Variants in UFSP2 observed in about 807,000 individuals in gnomAD.
The protein encoded by UFSP2 is UFM1 specific peptidase 2, also known as ufm1-specific protease 2.
A neutral mutation model predicts 60.2 loss-of-function variants in UFSP2; 43 were observed. That is an observed-to-expected ratio of 0.71 (90% CI 0.56 to 0.92). The LOEUF (loss-of-function observed/expected upper bound fraction) is 0.92, where lower values mean the gene tolerates loss of function less well. Ranked by LOEUF, UFSP2 falls within the 40% of genes least tolerant of loss-of-function variation. UFSP2 has a pLI of 0.00. For synonymous variants in UFSP2, 183 were observed against 195.1 expected (o/e 0.94, Z 0.52); for missense variants, 520 against 575.0 (o/e 0.90, Z 0.98).
intron 2 of UFSP2, among the ~76,000 whole-genome samples, chr4:185,420,163 G>C (rs1214865997): frequency 9.1e-6 from 1 of 109,630 alleles, no homozygotes; most frequent in Non-Finnish European, 1.8e-5. Context: ...TCAAAGCTCT[G>C]TGTTCTAAAG....
chr4:185,400,300 C>T lies in UFSP2; in HGVS notation c.*92G>A. On this transcript the variant is annotated 3_prime_UTR_variant, in exon 12 of 12. Coordinates refer to ENST00000264689, the MANE Select transcript of UFSP2 (RefSeq NM_018359.5). ...AAAGGTCATAATTTAAATCGTCAAA[C>T]TAGAACCAGGATTTAATGTGAAAAA... is the stretch of plus-strand genomic sequence containing the variant. 5 of 1,080,500 alleles carry T rather than the reference C, an allele frequency of 4.6e-6. No individual in the cohort carries two copies. The highest frequency in any genetic ancestry group is 1.5e-5 in the South Asian group (1 of 67,024). 66.9% of individuals were successfully genotyped at this position (1,080,500 alleles called of 1,614,324 possible).
At chr4:185,404,471 AT>A (rs1020038686) in intron 10 of UFSP2, among the ~76,000 whole-genome samples, 4 of 148,676 alleles carry the variant, frequency 2.7e-5, no homozygotes, top group Admixed American at 2.0e-4. Flanking sequence ...AATTTTTTGT[AT>A]TTTTTTTTAG....
At chr4:185,412,681 G>A (rs1270685923) in intron 7 of UFSP2, among the ~76,000 whole-genome samples, 1 of 152,144 alleles carries the variant, frequency 6.6e-6, no homozygotes, top group East Asian at 1.9e-4. Flanking sequence ...AGGTGGAGCA[G>A]ACAGAGTAAA....
At chr4:185,401,229 CGTT>C (rs1315470502) in intron 11 of UFSP2, among the ~76,000 whole-genome samples, 3 of 152,110 alleles carry the variant, frequency 2.0e-5, no homozygotes, top group Non-Finnish European at 1.5e-5. Context: ...ATAAGATACA[CGTT>C]GTCAAAAAAC....
At chr4:185,425,150 G>A (rs917403400) in intron 1 of UFSP2, among the ~76,000 whole-genome samples, 4 of 152,166 alleles carry the variant, frequency 2.6e-5, no homozygotes, top group African/African-American at 9.7e-5. Flanking sequence ...ACTGCATGTC[G>A]GGGAGTTGAG....
chr4:185,412,901 C>A (rs770334748), intron 7 of UFSP2, among the ~76,000 whole-genome samples: 27 of 152,136 alleles, frequency 1.8e-4, no homozygotes, highest in Non-Finnish European at 3.5e-4. Flanking sequence ...TAAAGTAACC[C>A]TTCCACCACC....
chr4:185,404,608 G>A (rs1412419965), intron 10 of UFSP2, among the ~76,000 whole-genome samples: 2 of 144,334 alleles, frequency 1.4e-5, no homozygotes, highest in Non-Finnish European at 3.0e-5. Flanking sequence ...TTTTTTTTGA[G>A]ACAGAGTCTT....
chr4:185,403,978 C>CA lies in UFSP2; in HGVS notation c.1199-361dup, dbSNP rs1293715170. Among the ~76,000 whole-genome samples the CA allele has an allele frequency of 5.3e-3, 615 of 116,750 alleles. 45 individuals carry two copies. The highest frequency in any genetic ancestry group is 0.018 in the Middle Eastern group (4 of 224). The allele number at this position is 116,750 out of a possible 152,430, so 76.6% of individuals were successfully genotyped here. A position where few individuals can be genotyped will look rare whatever the true frequency, so the allele number is the denominator to read the frequency against. On this transcript the variant is annotated intron_variant, in intron 10 of 11. Transcript: ENST00000264689. The stretch of plus-strand genomic sequence containing the variant: ...ACAGCAAGACTCTCAAAAAAAAAAA[C>CA]AAAAAAAAACAACATTACTTTGCTT...
In UFSP2 at chr4:185,403,643, C is replaced by T. The variant is rs192837568; in HGVS notation, c.1199-25G>A. The T allele has an allele frequency of 4.3e-4, 685 of 1,595,722 alleles. 1 individual carries two copies. The highest frequency in any genetic ancestry group is 5.6e-4 in the Non-Finnish European group (653 of 1,174,894). ...CCTATAGAAGAAAAAATAGGAAATA[C>T]GAATGAAGGCATAAACAAATGTCAA... On this transcript the variant is annotated intron_variant, in intron 10 of 11. Transcript: ENST00000264689.
At position 185,400,103 on chromosome 4, in the gene UFSP2, G is replaced by A. The variant is rs537169529; in HGVS notation, c.*289C>T. ...CCTGCTTTTGGCTTTACCATATGTT[G>A]TGTCTAATCTCCTTCTGAGAAGGAC... On this transcript the variant is annotated 3_prime_UTR_variant, in exon 12 of 12. Coordinates refer to ENST00000264689, the MANE Select transcript of UFSP2 (RefSeq NM_018359.5). 2 of 1,266,936 alleles carry A rather than the reference G, an allele frequency of 1.6e-6. No individual in the cohort carries two copies. Among genetic ancestry groups the A allele is most frequent in the African/African-American group, 1.5e-5 (1 of 66,218 alleles). The allele number at this position is 1,266,936 out of a possible 1,614,324, so 78.5% of individuals were successfully genotyped here.
chr4:185,413,235 A>T (rs2153285795), intron 7 of UFSP2, among the ~76,000 whole-genome samples: 1 of 152,106 alleles, frequency 6.6e-6, no homozygotes, highest in East Asian at 1.9e-4. Flanking sequence ...TAAAAATACA[A>T]AAATTAGCCA....
intron 1 of UFSP2, 48 bp downstream of exon 1, chr4:185,425,818 A>C: frequency 6.3e-7 from 1 of 1,590,058 alleles, no homozygotes; most frequent in South Asian, 1.1e-5. Context: ...GGCGGCTGCC[A>C]AAGTCCGGGG....
rs1409007947 is a variant in UFSP2, at chr4:185,422,475, G to T, written c.82+10C>A. On this transcript the variant is annotated intron_variant, in intron 2 of 11. Coordinates refer to ENST00000264689, the MANE Select transcript of UFSP2 (RefSeq NM_018359.5). The stretch of plus-strand genomic sequence containing the variant: ...TTTTCTAATAAAAAAGAATTTTTCA[G>T]AAGACCTACCATTAGGAGTAGCTAG... The T allele has an allele frequency of 2.6e-5, 42 of 1,599,148 alleles. No homozygotes were observed. Among genetic ancestry groups the T allele is most frequent in the Non-Finnish European group, 3.4e-5 (40 of 1,173,914 alleles).
At chr4:185,402,752 A>G (rs1255831321) in intron 11 of UFSP2, among the ~76,000 whole-genome samples, 1 of 152,234 alleles carries the variant, frequency 6.6e-6, no homozygotes, top group Non-Finnish European at 1.5e-5. Context: ...CTGGGATTAC[A>G]GGTGTGAGCC....
chr4:185,414,703 C>A (rs2095535286), intron 6 of UFSP2, among the ~76,000 whole-genome samples: 1 of 152,182 alleles, frequency 6.6e-6, no homozygotes, highest in Non-Finnish European at 1.5e-5. Flanking sequence ...CAAAATTCCT[C>A]TAATAAAGCC....
At chr4:185,421,476 T>C (rs2095549234) in intron 2 of UFSP2, among the ~76,000 whole-genome samples, 1 of 152,200 alleles carries the variant, frequency 6.6e-6, no homozygotes, top group African/African-American at 2.4e-5. Context: ...CTCACTCCTA[T>C]CAGTTCACAA....
At chr4:185,411,620 T>G (rs1396234807) in intron 7 of UFSP2, among the ~76,000 whole-genome samples, 1 of 152,166 alleles carries the variant, frequency 6.6e-6, no homozygotes, top group African/African-American at 2.4e-5. Flanking sequence ...CCAAAGTATT[T>G]AAGGGTAAAT....
chr4:185,405,954 G>C, intron 9 of UFSP2, 98 bp from the exon 10 acceptor site: 1 of 1,588,072 alleles, frequency 6.3e-7, no homozygotes. Context: ...GTTTTTTCGG[G>C]TGTTACTGAA....
intron 11 of UFSP2, chr4:185,402,116 T>TC: frequency 3.5e-6 from 1 of 287,384 alleles, no homozygotes; most frequent in Admixed American, 4.1e-5. Flanking sequence ...ATTTTTTTTT[T>TC]CTCGAGAGTC....
Sources: gnomAD v4.1 joint callset for allele counts (sites outside exome capture counted in the v4.1 genomes callset) on GRCh38, gnomAD v4.1.1 for gene constraint, MANE v1.5 for transcripts, NCBI Gene and HGNC (gene_info 2026-07-23, HGNC 2026-07-21) for gene names.